FAF1: variants seen among roughly 807,000 people sequenced by gnomAD.
FAF1 encodes Fas associated factor 1.
Under a neutral mutation model 92.5 loss-of-function variants are expected in FAF1, and 25 were observed. The observed-to-expected ratio is 0.27, with a 90% CI of 0.20 to 0.38. The LOEUF (loss-of-function observed/expected upper bound fraction) is 0.38, where lower values mean the gene tolerates loss of function less well. Ranked by LOEUF, FAF1 falls within the 10% of genes least tolerant of loss-of-function variation. The pLI is 1.00. For missense variants in FAF1, 636 were observed against 793.3 expected (o/e 0.80, Z 2.38); for synonymous variants, 234 against 273.2 (o/e 0.86, Z 1.42).
intron 8 of FAF1, among the ~76,000 whole-genome samples, chr1:50,638,223 C>T (rs1654151522): frequency 6.6e-6 from 1 of 151,998 alleles, no homozygotes; most frequent in African/African-American, 2.4e-5. Context: ...GTTGGATCTA[C>T]CAAGAAACAA....
chr1:50,596,137 C>T lies in FAF1; in HGVS notation c.824G>A (p.Arg275Gln), dbSNP rs538524843. 13 of 1,613,550 alleles carry T rather than the reference C, an allele frequency of 8.1e-6. No homozygotes were observed. Among genetic ancestry groups the T allele is most frequent in the Middle Eastern group, 1.7e-4 (1 of 6,036 alleles). The change falls in exon 9 of 19, where the codon CGG becomes CAG. Residue 275 changes from arginine to glutamine, a missense_variant. By Grantham distance (43) the Arg-to-Gln change is conservative. This residue lies in a region of FAF1 where 317 missense variants were observed against 342.4 expected (regional missense o/e 0.93). Transcript: ENST00000396153. ...VGRRSSPAQT[R>Q]EQSEEQITDV... ...CAGGCTTACTTCTTCCGACTGTTCC[C>T]GGGTCTGTGCAGGTGAAGATCTTCT...
chr1:50,582,590 T>C (rs1362169939), intron 12 of FAF1, 28 bp downstream of exon 12: 1 of 1,481,820 alleles, frequency 6.7e-7, no homozygotes, highest in African/African-American at 1.4e-5. Context: ...ATGCACTTTT[T>C]AATCAGAAAA....
intron 6 of FAF1, among the ~76,000 whole-genome samples, chr1:50,713,515 C>G (rs1055532704): frequency 6.6e-6 from 1 of 152,136 alleles, no homozygotes; most frequent in Non-Finnish European, 1.5e-5. Context: ...CTCAGGTGAT[C>G]TGCCCGCCTT....
chr1:50,521,382 A>G (rs1647491962), intron 15 of FAF1, among the ~76,000 whole-genome samples: 1 of 152,228 alleles, frequency 6.6e-6, no homozygotes, highest in Non-Finnish European at 1.5e-5. Flanking sequence ...AGTTAGTGTT[A>G]TATTTAAGGC....
chr1:50,518,028 G>T (rs907588342), intron 15 of FAF1, among the ~76,000 whole-genome samples: 1 of 152,052 alleles, frequency 6.6e-6, no homozygotes, highest in Admixed American at 6.6e-5. Flanking sequence ...GAATTCTAAC[G>T]TATGTATAGA....
intron 6 of FAF1, among the ~76,000 whole-genome samples, chr1:50,713,018 C>T (rs969730048): frequency 2.6e-5 from 4 of 151,240 alleles, no homozygotes; most frequent in Admixed American, 1.3e-4. Context: ...AAAAATTAGC[C>T]CAGCATGGTG....
intron 1 of FAF1, 103 bp downstream of exon 1, chr1:50,959,664 T>G: frequency 2.0e-6 from 2 of 979,038 alleles, no homozygotes; most frequent in Admixed American, 4.0e-5. Flanking sequence ...AAAGCCTAAA[T>G]GACACACCAC....
chr1:50,687,470 C>T (rs1276851328), intron 7 of FAF1, among the ~76,000 whole-genome samples: 2 of 151,942 alleles, frequency 1.3e-5, no homozygotes, highest in Non-Finnish European at 2.9e-5. Context: ...TCAAAACTGG[C>T]CGGGTGCGAT....
chr1:50,869,117 G>A (rs960139547), intron 1 of FAF1, among the ~76,000 whole-genome samples: 5 of 151,996 alleles, frequency 3.3e-5, no homozygotes, highest in African/African-American at 7.2e-5. Flanking sequence ...ATTCTCCCGC[G>A]ATTATGTTTC....
rs887316597 is a variant in FAF1, at chr1:50,653,092, T to C, written c.744+2350A>G. On this transcript the variant is annotated intron_variant, in intron 8 of 18. Coordinates refer to ENST00000396153, the MANE Select transcript of FAF1 (RefSeq NM_007051.3). The stretch of plus-strand genomic sequence containing the variant: ...TCCTCAGGTAAACAGTAGACCATCA[T>C]GTATGAACATTATTCTTTTATTTTT... 5.9e-5 allele frequency among the ~76,000 whole-genome samples: 9 copies of C among 152,110 alleles called. No individual in the cohort carries two copies. In the East Asian group the frequency reaches 1.7e-3, roughly 29 times the overall value.
At chr1:50,822,004 C>T (rs947590475) in intron 2 of FAF1, among the ~76,000 whole-genome samples, 1 of 151,236 alleles carries the variant, frequency 6.6e-6, no homozygotes, top group South Asian at 2.1e-4. Flanking sequence ...GGTTAACAGC[C>T]CTACAACTTA....
chr1:50,614,542 A>C (rs1349400244), intron 8 of FAF1, among the ~76,000 whole-genome samples: 1 of 152,084 alleles, frequency 6.6e-6, no homozygotes, highest in Admixed American at 6.5e-5. Context: ...TCTTCCTTTA[A>C]AAACAAAACA....
intron 18 of FAF1, among the ~76,000 whole-genome samples, chr1:50,457,469 T>C (rs1471372500): frequency 6.6e-6 from 1 of 152,198 alleles, no homozygotes; most frequent in Non-Finnish European, 1.5e-5. Context: ...GGGGTTATTA[T>C]ACAGACTTTA....
chr1:50,555,356 TACATCCG>T lies in FAF1; in HGVS notation c.1268+11714_1268+11720del, dbSNP rs1649525363. ...TGCATAGCAAAAGAATGGGAGAAAA[TACATCCG>T]ACAAAGGATTACTATCAAGAATCTA... On this transcript the variant is annotated intron_variant, in intron 13 of 18. Coordinates refer to ENST00000396153, the MANE Select transcript of FAF1 (RefSeq NM_007051.3). 8.0e-5 allele frequency among the ~76,000 whole-genome samples: 12 copies of T among 150,146 alleles called. 1 individual carries two copies. In the South Asian group the frequency reaches 2.5e-3, roughly 32 times the overall value.
In FAF1 at chr1:50,739,073, C is replaced by T. The variant is rs1659258085; in HGVS notation, c.460-119G>A. On this transcript the variant is annotated intron_variant, in intron 5 of 18. Transcript: ENST00000396153. ...AGTTTTTTTTATCTTTTGATAATTT[C>T]CTAAATAGGGTAATGCAAAAGAACT... 3 of 635,760 alleles carry T rather than the reference C, an allele frequency of 4.7e-6. No individual in the cohort carries two copies. In the East Asian group the frequency reaches 8.6e-5, roughly 18 times the overall value. 39.4% of individuals were successfully genotyped at this position (635,760 alleles called of 1,614,324 possible). A position where few individuals can be genotyped will look rare whatever the true frequency, so the allele number is the denominator to read the frequency against.
intron 15 of FAF1, among the ~76,000 whole-genome samples, chr1:50,495,769 T>C (rs931521298): frequency 2.0e-5 from 3 of 152,172 alleles, no homozygotes; most frequent in African/African-American, 4.8e-5. Context: ...CTCTCCAGCA[T>C]TTGTTATTCC....
chr1:50,768,894 G>A lies in FAF1; in HGVS notation c.367+19106C>T, dbSNP rs58544593. Among the ~76,000 whole-genome samples the A allele has an allele frequency of 7.7e-3, 1,175 of 151,960 alleles. 13 individuals carry two copies. The highest frequency in any genetic ancestry group is 0.027 in the African/African-American group (1,135 of 41,468). Reference sequence around the variant, plus strand: ...ACACCTAGAGGAACTAAAGAAACAAGAAGAAACCAATTACAAAGTTAGGAG... The same window carrying A: ...ACACCTAGAGGAACTAAAGAAACAAAAAGAAACCAATTACAAAGTTAGGAG... On this transcript the variant is annotated intron_variant, in intron 4 of 18. Coordinates refer to ENST00000396153, the MANE Select transcript of FAF1 (RefSeq NM_007051.3).
At chr1:50,927,898 G>A (rs916093549) in intron 1 of FAF1, among the ~76,000 whole-genome samples, 4 of 151,776 alleles carry the variant, frequency 2.6e-5, no homozygotes, top group South Asian at 2.1e-4. Flanking sequence ...TTTTCTACTC[G>A]TTACATATTC....
intron 2 of FAF1, among the ~76,000 whole-genome samples, chr1:50,813,095 C>T (rs1287309098): frequency 6.6e-6 from 1 of 151,776 alleles, no homozygotes. Flanking sequence ...AAGGTGAGGA[C>T]AGAAAACTAC....
Sources: allele counts gnomAD v4.1 joint callset (sites outside exome capture counted in the v4.1 genomes callset), GRCh38; gene constraint gnomAD v4.1.1; regional missense constraint gnomAD v4.1.1; transcripts MANE v1.5; gene names NCBI Gene and HGNC (gene_info 2026-07-23, HGNC 2026-07-21).